The following TNFAIP2 variants were observed in gnomAD, a reference collection of about 807,000 sequenced individuals.
TNFAIP2 encodes the protein tumor necrosis factor alpha-induced protein 2.
TNFAIP2 carries 47 observed loss-of-function variants against 63.5 expected under a neutral mutation model. The observed-to-expected ratio is 0.74, with a 90% confidence interval of 0.59 to 0.94. The LOEUF (loss-of-function observed/expected upper bound fraction) is 0.94, where lower values mean the gene tolerates loss of function less well. TNFAIP2 is among the 40% of genes least tolerant of loss of function. TNFAIP2 has a pLI of 0.00. For missense variants in TNFAIP2, 787 were observed against 850.2 expected (o/e 0.93, Z 0.92); for synonymous variants, 405 against 390.2 (o/e 1.04, Z -0.45).
Position 103,126,400 on chromosome 14 carries a change from C to A in TNFAIP2, c.-58C>A. The A allele has an allele frequency of 1.5e-6, 2 of 1,333,306 alleles. No individual in the cohort carries two copies. Among genetic ancestry groups the A allele is most frequent in the Non-Finnish European group, 2.0e-6 (2 of 978,956 alleles). 82.6% of individuals were successfully genotyped at this position (1,333,306 alleles called of 1,614,324 possible). A position where few individuals can be genotyped will look rare whatever the true frequency, so the allele number is the denominator to read the frequency against. On this transcript the variant is annotated 5_prime_UTR_variant, in exon 2 of 12. Transcript: ENST00000560869. ...ATCAGCCTGTGCCAGGCACCCTCGACTTGCCTAGAGGCCCCCAAAAGTTGC... is the reference window on the plus strand; with the variant it reads ...ATCAGCCTGTGCCAGGCACCCTCGAATTGCCTAGAGGCCCCCAAAAGTTGC...
intron 6 of TNFAIP2, 66 bp from the exon 7 acceptor site, chr14:103,130,986 G>A (rs2087960065): frequency 6.5e-7 from 1 of 1,538,822 alleles, no homozygotes; most frequent in Admixed American, 1.7e-5. Flanking sequence ...AGGGAGGGCA[G>A]GGAGGCTGCT....
chr14:103,123,258 GA>G (rs1331915608), upstream of TNFAIP2, among the ~76,000 whole-genome samples: 1 of 152,182 alleles, frequency 6.6e-6, no homozygotes, highest in African/African-American at 2.4e-5. Context: ...CGGCTGCTGG[GA>G]GGAAGTGACA....
rs762793682 is a variant in TNFAIP2, at chr14:103,133,524, C to T, written c.1701+7C>T. ...GCACTTCTGCACCCAGCACGTAAGC[C>T]GCTGCCCACCTCTCCCAAGCCCCTC... is the stretch of plus-strand genomic sequence containing the variant. On this transcript the variant is annotated splice_region_variant and intron_variant, in intron 10 of 11. Transcript: ENST00000560869. The T allele has an allele frequency of 9.9e-6, 16 of 1,612,434 alleles. No individual in the cohort carries two copies. The highest frequency in any genetic ancestry group is 4.5e-5 in the East Asian group (2 of 44,878).
Position 103,127,009 on chromosome 14 carries a change from G to C in TNFAIP2, c.240G>C (p.Glu80Asp), listed in dbSNP as rs866232024. 400 of 1,200,798 alleles carry C rather than the reference G, an allele frequency of 3.3e-4. 1 individual carries two copies. Among genetic ancestry groups the C allele is most frequent in the Middle Eastern group, 1.0e-3 (3 of 2,876 alleles). 74.4% of individuals were successfully genotyped at this position (1,200,798 alleles called of 1,614,324 possible). A position where few individuals can be genotyped will look rare whatever the true frequency, so the allele number is the denominator to read the frequency against. ...GACGCGGCTTTCCCGGCGCAGTGGA[G>C]GAGCTGAAGGCGGCGCTGGAGCGCG... ...QGLDGPPPTV[E>D]ELKAALERGQ... Residue 80 changes from glutamate to aspartate, a missense_variant, in exon 3 of 12, where the codon GAG becomes GAC. Glu to Asp is a conservative substitution (Grantham distance 45). Transcript: ENST00000560869. The surrounding 1 kb of genome is among the most constrained non-coding windows in gnomAD (Gnocchi z 5.1).
In TNFAIP2 at chr14:103,125,791, G is replaced by A. The variant is rs2234123; in HGVS notation, c.-148-519G>A. ...CCACCGCTGGATCAGAACTGGACAA[G>A]ATGGCAGAGGGGCTGGGTCTGGGCA... On this transcript the variant is annotated intron_variant, in intron 1 of 11. Coordinates refer to ENST00000560869, the MANE Select transcript of TNFAIP2 (RefSeq NM_006291.4). Among the ~76,000 whole-genome samples, 638 of 152,358 alleles carry A rather than the reference G, an allele frequency of 4.2e-3. 1 individual carries two copies. The highest frequency in any genetic ancestry group is 0.031 in the Middle Eastern group (9 of 294).
chr14:103,132,095 C>T (rs193089799), intron 8 of TNFAIP2, among the ~76,000 whole-genome samples: 37 of 152,016 alleles, frequency 2.4e-4, no homozygotes, highest in East Asian at 2.1e-3. Context: ...TGCCCCTCCC[C>T]GATTCAGACA....
At position 103,136,021 on chromosome 14, in the gene TNFAIP2, C is replaced by T; in HGVS notation, c.*661C>T. On this transcript the variant is annotated 3_prime_UTR_variant, in exon 12 of 12. Coordinates refer to ENST00000560869, the MANE Select transcript of TNFAIP2 (RefSeq NM_006291.4). ...GGCCCTGAGCCCTCCCTCTTCATCC[C>T]CCAAGGCCTCAACTAGAGGGTGGTC... The T allele has an allele frequency of 2.3e-6, 3 of 1,282,108 alleles. No individual in the cohort carries two copies. Among genetic ancestry groups the T allele is most frequent in the South Asian group, 2.5e-5 (2 of 80,472 alleles). The allele number at this position is 1,282,108 out of a possible 1,614,324, so 79.4% of individuals were successfully genotyped here.
rs1469196117 is a variant in TNFAIP2, at chr14:103,131,196, G to C, written c.1298+46G>C. 6.3e-7 allele frequency: 1 copy of C among 1,599,154 alleles called. No individual in the cohort carries two copies. Among genetic ancestry groups the C allele is most frequent in the Non-Finnish European group, 8.6e-7 (1 of 1,167,258 alleles). Reference sequence around the variant, plus strand: ...TTGCGGGAGTGGGAGTCACTCAGCGGGCAGGAGAGGGGAGCTGGAAGGTGG... The same window carrying C: ...TTGCGGGAGTGGGAGTCACTCAGCGCGCAGGAGAGGGGAGCTGGAAGGTGG... On this transcript the variant is annotated intron_variant, in intron 7 of 11. Transcript: ENST00000560869. This position sits in a 1 kb window ranked among gnomAD's most constrained non-coding sequence, Gnocchi z 4.0.
chr14:103,135,499 G>T lies in TNFAIP2; in HGVS notation c.*139G>T. ...GATGCTACTTCTGCCTAGCCCTGGC[G>T]GAGGTGCAGGCCCTGTCAGCTGGAA... is the stretch of plus-strand genomic sequence containing the variant. On this transcript the variant is annotated 3_prime_UTR_variant, in exon 12 of 12. Coordinates refer to ENST00000560869, the MANE Select transcript of TNFAIP2 (RefSeq NM_006291.4). The surrounding 1 kb of genome is among the most constrained non-coding windows in gnomAD (Gnocchi z 7.6). The T allele has an allele frequency of 6.7e-7, 1 of 1,496,724 alleles. No homozygotes were observed. The highest frequency in any genetic ancestry group is 1.4e-5 in the South Asian group (1 of 73,766). 92.7% of individuals were successfully genotyped at this position (1,496,724 alleles called of 1,614,324 possible). A position where few individuals can be genotyped will look rare whatever the true frequency, so the allele number is the denominator to read the frequency against.
At chr14:103,133,091 A>C (rs181044294) in intron 9 of TNFAIP2, among the ~76,000 whole-genome samples, 2 of 152,168 alleles carry the variant, frequency 1.3e-5, no homozygotes, top group African/African-American at 2.4e-5. Context: ...TGAATGCACG[A>C]GCATGTGAAC....
At position 103,131,501 on chromosome 14, in the gene TNFAIP2, G is replaced by A; in HGVS notation, c.1299-138G>A. ...AGTGTCCTGAGGGCATGGAGAACAT[G>A]GATGGGAGGACTTGATCCCATAGAG... On this transcript the variant is annotated intron_variant, in intron 7 of 11. Transcript: ENST00000560869. The surrounding 1 kb of genome is among the most constrained non-coding windows in gnomAD (Gnocchi z 4.0). 8.1e-7 allele frequency: 1 copy of A among 1,240,170 alleles called. No individual in the cohort carries two copies. Among genetic ancestry groups the A allele is most frequent in the South Asian group, 1.6e-5 (1 of 63,820 alleles). The allele number at this position is 1,240,170 out of a possible 1,614,324, so 76.8% of individuals were successfully genotyped here. A position where few individuals can be genotyped will look rare whatever the true frequency, so the allele number is the denominator to read the frequency against.
At chr14:103,130,265 C>G (rs778396190) in intron 5 of TNFAIP2, 50 bp from the exon 6 acceptor site, 1 of 1,534,884 alleles carries the variant, frequency 6.5e-7, no homozygotes, top group East Asian at 2.5e-5. Context: ...CGTCCCCTGC[C>G]CCCTTGTCCA....
At chr14:103,123,989 T>G in intron 1 of TNFAIP2, 38 bp downstream of exon 1, 1 of 152,592 alleles carries the variant, frequency 6.6e-6, no homozygotes, top group African/African-American at 2.4e-5. Flanking sequence ...AGCAGGAGGC[T>G]GGGGGGCGCT....
rs537776435 is a variant in TNFAIP2, at chr14:103,127,821, G to A, written c.860+192G>A. 3.3e-5 allele frequency among the ~76,000 whole-genome samples: 5 copies of A among 152,336 alleles called. No individual in the cohort carries two copies. The highest frequency in any genetic ancestry group is 9.6e-5 in the African/African-American group (4 of 41,570). On this transcript the variant is annotated intron_variant, in intron 3 of 11. Coordinates refer to ENST00000560869, the MANE Select transcript of TNFAIP2 (RefSeq NM_006291.4). The surrounding 1 kb of genome is among the most constrained non-coding windows in gnomAD (Gnocchi z 5.1). Reference sequence around the variant, plus strand: ...CCTGGACAGGCAGAGACTGGGCCTGGACACAGGGATAAGGCTGGGGCTGGG... The same window carrying A: ...CCTGGACAGGCAGAGACTGGGCCTGAACACAGGGATAAGGCTGGGGCTGGG...
chr14:103,122,658 G>A (rs559237253), upstream of TNFAIP2: 1 of 456,050 alleles, frequency 2.2e-6, no homozygotes, highest in Non-Finnish European at 4.4e-6. Flanking sequence ...GGAGGCCTGC[G>A]CTGAATGGGC....
In TNFAIP2 at chr14:103,130,308, C is replaced by T. The variant is rs763773758; in HGVS notation, c.1099-7C>T. 6 of 1,553,654 alleles carry T rather than the reference C, an allele frequency of 3.9e-6. 1 individual carries two copies. The highest frequency in any genetic ancestry group is 3.5e-6 in the Non-Finnish European group (4 of 1,148,144). ...CCCTGCTCAGCTCACCCACCACCAC[C>T]CTGCAGATCACCTCCCAGGCCCAGG... On this transcript the variant is annotated splice_polypyrimidine_tract_variant and splice_region_variant and intron_variant, in intron 5 of 11. Coordinates refer to ENST00000560869, the MANE Select transcript of TNFAIP2 (RefSeq NM_006291.4).
rs1211741520 is a variant in TNFAIP2 at position 103,127,549 on chromosome 14, C to G, written c.780C>G (p.His260Gln). The G allele has an allele frequency of 6.3e-7, 1 of 1,585,350 alleles. No homozygotes were observed. Among genetic ancestry groups the G allele is most frequent in the Admixed American group, 1.7e-5 (1 of 57,792 alleles). Residue 260 changes from histidine to glutamine, a missense_variant, in exon 3 of 12, where the codon CAC becomes CAG. This residue lies in a region of TNFAIP2 where 523 missense variants were observed against 604.1 expected (regional missense o/e 0.87). Transcript: ENST00000560869. The surrounding 1 kb of genome is among the most constrained non-coding windows in gnomAD (Gnocchi z 5.1). ...AESYHQHFAA[H>Q]LAAVAQFELC... ...GCTACCACCAGCACTTCGCGGCCCACCTGGCCGCCGTGGCGCAGTTCGAGC... is the reference window on the plus strand; with the variant it reads ...GCTACCACCAGCACTTCGCGGCCCAGCTGGCCGCCGTGGCGCAGTTCGAGC...
At position 103,135,132 on chromosome 14, in the gene TNFAIP2, G is replaced by C. The variant is rs2088068038; in HGVS notation, c.1824-87G>C. ...TCGTGGGCCGGGCGTTGGCTGTCGGGCCCTGTGGCACTGGCCGGGAGTGCA... is the reference window on the plus strand; with the variant it reads ...TCGTGGGCCGGGCGTTGGCTGTCGGCCCCTGTGGCACTGGCCGGGAGTGCA... On this transcript the variant is annotated intron_variant, in intron 11 of 11. Coordinates refer to ENST00000560869, the MANE Select transcript of TNFAIP2 (RefSeq NM_006291.4). This position sits in a 1 kb window ranked among gnomAD's most constrained non-coding sequence, Gnocchi z 7.6. 2 of 1,567,644 alleles carry C rather than the reference G, an allele frequency of 1.3e-6. No homozygotes were observed. The highest frequency in any genetic ancestry group is 1.8e-6 in the Non-Finnish European group (2 of 1,140,636).
intron 9 of TNFAIP2, among the ~76,000 whole-genome samples, 171 bp downstream of exon 9, chr14:103,133,043 C>T (rs140232072): frequency 8.3e-4 from 126 of 152,336 alleles, no homozygotes; most frequent in African/African-American, 2.5e-3. Flanking sequence ...CGTGAAGGCA[C>T]GAACATGTGA....
Sources: allele counts gnomAD v4.1 joint callset (sites outside exome capture counted in the v4.1 genomes callset), GRCh38; gene constraint gnomAD v4.1.1; regional missense constraint gnomAD v4.1.1; non-coding constraint Gnocchi (gnomAD v3.1); transcripts MANE v1.5; gene names NCBI Gene and HGNC (gene_info 2026-07-23, HGNC 2026-07-21).